The following DTNB variants were observed in gnomAD, a reference collection of about 807,000 sequenced individuals.
DTNB encodes DTN-B.
In DTNB, 63 loss-of-function variants were observed where a neutral mutation model predicts 90.7. That is an observed-to-expected ratio of 0.69 (90% CI 0.57 to 0.86). The LOEUF (loss-of-function observed/expected upper bound fraction) is 0.86. Among genes scored for constraint, DTNB ranks in the 40% least tolerant of loss-of-function variants. The pLI is 0.00. For synonymous variants in DTNB, 277 were observed against 286.7 expected (o/e 0.97, Z 0.34); for missense variants, 744 against 807.1 (o/e 0.92, Z 0.95).
At chr2:25,626,639 T>C (rs1170602556) in intron 4 of DTNB, among the ~76,000 whole-genome samples, 1 of 152,212 alleles carries the variant, frequency 6.6e-6, no homozygotes, top group Non-Finnish European at 1.5e-5. Context: ...ATTAAACGGA[T>C]ACAATGTCTA....
At chr2:25,379,191 C>T (rs2036792536) in intron 20 of DTNB, 99 bp downstream of exon 20, 1 of 1,193,506 alleles carries the variant, frequency 8.4e-7, no homozygotes, top group Non-Finnish European at 1.1e-6. Context: ...GTTAGGACTG[C>T]CCTGGCTAGG....
At chr2:25,651,422 A>C (rs2080913647) in intron 2 of DTNB, among the ~76,000 whole-genome samples, 2 of 152,266 alleles carry the variant, frequency 1.3e-5, no homozygotes, top group African/African-American at 4.8e-5. Context: ...TCATGTACAT[A>C]GTAAAACTCA....
At chr2:25,574,609 C>T (rs2060382735) in intron 8 of DTNB, among the ~76,000 whole-genome samples, 1 of 152,184 alleles carries the variant, frequency 6.6e-6, no homozygotes, top group South Asian at 2.1e-4. Flanking sequence ...AGTATAAACA[C>T]AGCCGACAAT....
chr2:25,392,254 A>C (rs2041324929), intron 16 of DTNB, among the ~76,000 whole-genome samples: 1 of 152,134 alleles, frequency 6.6e-6, no homozygotes, highest in South Asian at 2.1e-4. Context: ...ACTGAAAAAA[A>C]CAAAAATTAA....
chr2:25,595,990 C>T (rs572265085), intron 6 of DTNB, 96 bp downstream of exon 6: 1 of 1,147,990 alleles, frequency 8.7e-7, no homozygotes, highest in East Asian at 4.9e-5. Flanking sequence ...CTACTCAAGA[C>T]CTTACTAGAC....
At chr2:25,629,950 A>G (rs1337783315) in intron 3 of DTNB, among the ~76,000 whole-genome samples, 1 of 152,232 alleles carries the variant, frequency 6.6e-6, no homozygotes, top group Non-Finnish European at 1.5e-5. Flanking sequence ...GTGAAAAGGC[A>G]ACCCAAAGAA....
At chr2:25,587,430 T>C (rs2062656683) in intron 6 of DTNB, among the ~76,000 whole-genome samples, 1 of 152,136 alleles carries the variant, frequency 6.6e-6, no homozygotes, top group Non-Finnish European at 1.5e-5. Flanking sequence ...TAGTTAGTCA[T>C]ACATAAAGCA....
intron 12 of DTNB, among the ~76,000 whole-genome samples, chr2:25,443,597 C>T (rs960705407): frequency 2.7e-4 from 41 of 152,180 alleles, no homozygotes; most frequent in African/African-American, 9.4e-4. Flanking sequence ...CTTTATATTC[C>T]AGGGGCAGCC....
intron 5 of DTNB, among the ~76,000 whole-genome samples, chr2:25,597,806 A>G (rs550993272): frequency 6.6e-6 from 1 of 152,348 alleles, no homozygotes; most frequent in South Asian, 2.1e-4. Flanking sequence ...CATAACAGAG[A>G]AAGATGACAA....
Position 25,526,381 on chromosome 2 carries a change from ATATATATATATATAT to A in DTNB, c.1001+5077_1001+5091del, listed in dbSNP as rs1262690126. On this transcript the variant is annotated intron_variant, in intron 9 of 20. Coordinates refer to ENST00000406818, the MANE Select transcript of DTNB (RefSeq NM_021907.5). The stretch of plus-strand genomic sequence containing the variant: ...TATATAAATATATATATATATATAT[ATATATATATATATAT>A]TTTTTTTTTTTTAATTGAGACAGAG... Among the ~76,000 whole-genome samples, 359 of 52,774 alleles carry A rather than the reference ATATATATATATATAT, an allele frequency of 6.8e-3. 12 individuals carry two copies. Among genetic ancestry groups the A allele is most frequent in the African/African-American group, 0.035 (328 of 9,252 alleles). The allele number at this position is 52,774 out of a possible 152,430, so 34.6% of individuals were successfully genotyped here.
intron 10 of DTNB, among the ~76,000 whole-genome samples, chr2:25,456,207 C>A (rs1172412419): frequency 6.6e-6 from 1 of 152,198 alleles, no homozygotes; most frequent in African/African-American, 2.4e-5. Context: ...GTACCCATAG[C>A]AAAACTTGAA....
At chr2:25,446,932 G>A (rs534149369) in intron 12 of DTNB, among the ~76,000 whole-genome samples, 1 of 151,932 alleles carries the variant, frequency 6.6e-6, no homozygotes, top group African/African-American at 2.4e-5. Context: ...TTTCTGTGTT[G>A]TGTTTTGGAA....
At chr2:25,547,180 TTATTC>T (rs2082612844) in intron 8 of DTNB, among the ~76,000 whole-genome samples, 1 of 152,148 alleles carries the variant, frequency 6.6e-6, no homozygotes, top group African/African-American at 2.4e-5. Context: ...GCAAGTTGAA[TTATTC>T]TTGCATTTCC....
At chr2:25,576,221 G>GT (rs57969480) in intron 8 of DTNB, among the ~76,000 whole-genome samples, 7,316 of 97,522 alleles carry the variant, frequency 0.075, 376 homozygotes, top group Non-Finnish European at 0.11. Context: ...GAACAGTTTT[G>GT]TTTTTTTTTT....
At chr2:25,487,240 A>C (rs1161310737) in intron 9 of DTNB, among the ~76,000 whole-genome samples, 1 of 152,216 alleles carries the variant, frequency 6.6e-6, no homozygotes, top group African/African-American at 2.4e-5. Flanking sequence ...AAGTATGGTC[A>C]GTCCTCCATG....
At chr2:25,611,527 A>G (rs1322322724) in intron 4 of DTNB, among the ~76,000 whole-genome samples, 2 of 152,188 alleles carry the variant, frequency 1.3e-5, no homozygotes, top group Non-Finnish European at 2.9e-5. Flanking sequence ...CTCCATATCC[A>G]TGGGTGTCTG....
intron 8 of DTNB, among the ~76,000 whole-genome samples, chr2:25,563,844 T>C (rs955728531): frequency 6.6e-6 from 1 of 152,236 alleles, no homozygotes; most frequent in African/African-American, 2.4e-5. Flanking sequence ...TTGAAGTAAG[T>C]CTTAAAATCA....
chr2:25,668,665 G>T (rs1429546023), intron 1 of DTNB, among the ~76,000 whole-genome samples: 1 of 150,800 alleles, frequency 6.6e-6, no homozygotes, highest in Non-Finnish European at 1.5e-5. Context: ...GGAAAGAGTG[G>T]GTATATGGAA....
intron 2 of DTNB, chr2:25,650,213 T>C (rs17047116): frequency 1.4e-5 from 14 of 985,330 alleles, no homozygotes; most frequent in Non-Finnish European, 1.7e-5. Context: ...TATCAGGAAT[T>C]ACTGTGTTTG....
Sources: gnomAD v4.1 joint callset for allele counts (sites outside exome capture counted in the v4.1 genomes callset) on GRCh38, gnomAD v4.1.1 for gene constraint, MANE v1.5 for transcripts, NCBI Gene and HGNC (gene_info 2026-07-23, HGNC 2026-07-21) for gene names.